Variants in GALNT13 observed in about 807,000 individuals in gnomAD.
GALNT13 encodes UDP-GalNAc:polypeptide N-acetylgalactosaminyltransferase 13.
In GALNT13, 28 loss-of-function variants were observed where a neutral mutation model predicts 64.2. The ratio of observed to expected loss-of-function variants is 0.44; its 90% CI spans 0.32 to 0.60. GALNT13 has a LOEUF of 0.60. Ranked by LOEUF, GALNT13 falls within the 20% of genes least tolerant of loss-of-function variation. The pLI is 0.05. For missense variants in GALNT13, 577 were observed against 669.8 expected, an observed-to-expected ratio of 0.86 and a Z score of 1.53; for synonymous variants, 214 against 224.6, an observed-to-expected ratio of 0.95 and a Z score of 0.42.
At chr2:154,097,418 TA>T (rs1702130430) in intron 3 of GALNT13, among the ~76,000 whole-genome samples, 1 of 152,066 alleles carries the variant, frequency 6.6e-6, no homozygotes, top group Admixed American at 6.6e-5. Context: ...AGATCCTGCT[TA>T]AAAGAAATAT....
intron 3 of GALNT13, among the ~76,000 whole-genome samples, chr2:154,123,537 C>T (rs924980297): frequency 1.4e-4 from 21 of 151,874 alleles, no homozygotes; most frequent in African/African-American, 4.8e-4. Flanking sequence ...CATGGCTACA[C>T]ACTCAATAAC....
At chr2:153,158,976 G>A in the GALNT13 span, 1 of 154,552 alleles carries the variant, frequency 6.5e-6, no homozygotes, top group Non-Finnish European at 1.4e-5. Context: ...TTCCACAGAA[G>A]CCCTCTCCCT....
the GALNT13 span, among the ~76,000 whole-genome samples, chr2:153,599,870 C>T: frequency 3.3e-5 from 5 of 151,972 alleles, no homozygotes; most frequent in East Asian, 7.8e-4. Flanking sequence ...AGGATATTTT[C>T]CCCCTCTTCT....
the GALNT13 span, among the ~76,000 whole-genome samples, chr2:153,285,756 T>C: frequency 6.6e-6 from 1 of 152,034 alleles, no homozygotes; most frequent in African/African-American, 2.4e-5. Context: ...AATAATATTA[T>C]TTATAATTTT....
the GALNT13 span, among the ~76,000 whole-genome samples, chr2:153,522,064 G>A: frequency 6.6e-6 from 1 of 152,090 alleles, no homozygotes; most frequent in African/African-American, 2.4e-5. Context: ...TAAAAGAGGA[G>A]CACATCATGC....
chr2:153,383,802 A>T, the GALNT13 span, among the ~76,000 whole-genome samples: 1 of 152,062 alleles, frequency 6.6e-6, no homozygotes, highest in African/African-American at 2.4e-5. Flanking sequence ...CAACCCTATT[A>T]TGAGCCCAGG....
At chr2:153,562,775 T>G in the GALNT13 span, among the ~76,000 whole-genome samples, 3 of 152,174 alleles carry the variant, frequency 2.0e-5, no homozygotes, top group Non-Finnish European at 2.9e-5. Flanking sequence ...TCTTATGAAG[T>G]GTCGCTGTGA....
At chr2:153,795,400 G>A in the GALNT13 span, among the ~76,000 whole-genome samples, 1 of 152,048 alleles carries the variant, frequency 6.6e-6, no homozygotes, top group African/African-American at 2.4e-5. Flanking sequence ...TGTCAGTGGA[G>A]AAAACCGAGC....
Position 154,450,446 on chromosome 2 carries a change from T to G in GALNT13, c.1566T>G (p.Cys522Trp). Residue 522 changes from cysteine (C) to tryptophan (W), a missense_variant, in exon 13 of 13, where the codon TGT (cysteine) becomes TGG (tryptophan). By Grantham distance (215) the Cys-to-Trp change is radical. Coordinates refer to ENST00000392825, the MANE Select transcript of GALNT13 (RefSeq NM_052917.4). Reference protein sequence around the residue: ...LTLRHVNSNQCLDEPSEEDKM... With the variant: ...LTLRHVNSNQWLDEPSEEDKM... ...TGCGACATGTTAACAGTAACCAATG[T>G]CTCGATGAACCTTCTGAAGAAGACA... The G allele has an allele frequency of 6.2e-7, 1 of 1,612,678 alleles. No individual in the cohort carries two copies. The highest frequency in any genetic ancestry group is 8.5e-7 in the Non-Finnish European group (1 of 1,179,122).
At chr2:153,302,481 A>G in the GALNT13 span, among the ~76,000 whole-genome samples, 1 of 152,058 alleles carries the variant, frequency 6.6e-6, no homozygotes, top group Non-Finnish European at 1.5e-5. Flanking sequence ...TATCAGATAT[A>G]TGGTTTGCAA....
chr2:153,850,711 T>C, the GALNT13 span, among the ~76,000 whole-genome samples: 3 of 152,138 alleles, frequency 2.0e-5, no homozygotes, highest in Non-Finnish European at 4.4e-5. Context: ...ATAGAATATA[T>C]AATAGACACC....
intron 8 of GALNT13, among the ~76,000 whole-genome samples, chr2:154,292,019 C>A (rs1483176145): frequency 1.3e-5 from 2 of 152,146 alleles, no homozygotes; most frequent in African/African-American, 4.8e-5. Context: ...AGCCCCTTAC[C>A]CCTCAGGAAG....
chr2:153,170,820 C>T, the GALNT13 span, among the ~76,000 whole-genome samples: 1 of 152,206 alleles, frequency 6.6e-6, no homozygotes, highest in Non-Finnish European at 1.5e-5. Context: ...ATACATTTCT[C>T]ATTTGCATCT....
intron 11 of GALNT13, among the ~76,000 whole-genome samples, chr2:154,422,066 G>A (rs571167062): frequency 1.3e-5 from 2 of 152,210 alleles, no homozygotes; most frequent in African/African-American, 4.8e-5. Flanking sequence ...AAATGGAATT[G>A]AAAGTCTGGA....
the GALNT13 span, among the ~76,000 whole-genome samples, chr2:153,345,718 T>TGTCCGTCCGTCC: frequency 2.2e-4 from 10 of 45,214 alleles, no homozygotes; most frequent in Non-Finnish European, 4.3e-4. Context: ...TCTCTCTTTC[T>TGTCCGTCCGTCC]GTCCTTCCTT....
chr2:154,283,153 C>T (rs1429849689), intron 8 of GALNT13, among the ~76,000 whole-genome samples: 8 of 152,012 alleles, frequency 5.3e-5, no homozygotes, highest in South Asian at 2.1e-4. Flanking sequence ...CTAAGAATTA[C>T]GGGATTTGTC....
rs147169090 is a variant in GALNT13 at position 154,071,573 on chromosome 2, A to G, written c.143-68764A>G. On this transcript the variant is annotated intron_variant, in intron 3 of 12. Coordinates refer to ENST00000392825, the MANE Select transcript of GALNT13 (RefSeq NM_052917.4). ...AGTCCTCATTATTTATGGATTTCAT[A>G]TTTGTGAATTTTACTACTCACTATG... Among the ~76,000 whole-genome samples, 1,260 of 152,248 alleles carry G rather than the reference A, an allele frequency of 8.3e-3. 9 individuals carry two copies. The highest frequency in any genetic ancestry group is 0.013 in the Non-Finnish European group (891 of 67,990).
intron 9 of GALNT13, among the ~76,000 whole-genome samples, chr2:154,318,733 A>C (rs1694458350): frequency 6.6e-6 from 1 of 151,996 alleles, no homozygotes; most frequent in Admixed American, 6.6e-5. Context: ...TCAAAAAAAA[A>C]AAAAAAATCG....
the GALNT13 span, among the ~76,000 whole-genome samples, chr2:153,240,695 A>G: frequency 6.6e-6 from 1 of 152,142 alleles, no homozygotes; most frequent in Non-Finnish European, 1.5e-5. Flanking sequence ...CTGCAGCCCT[A>G]TCACATTGTG....
Sources: gnomAD v4.1 joint callset for allele counts (sites outside exome capture counted in the v4.1 genomes callset) on GRCh38, gnomAD v4.1.1 for gene constraint, MANE v1.5 for transcripts, NCBI Gene and HGNC (gene_info 2026-07-23, HGNC 2026-07-21) for gene names.